The following UQCC6 variants were observed in gnomAD, a reference collection of about 807,000 sequenced individuals.
UQCC6 encodes ubiquinol-cytochrome c reductase complex assembly factor 6, also known as protein BRAWNIN.
the UQCC6 span, among the ~76,000 whole-genome samples, chr12:103,959,971 C>T: frequency 6.6e-6 from 1 of 151,500 alleles, no homozygotes; most frequent in African/African-American, 2.4e-5. Context: ...GATGGGGTTT[C>T]ACCATGTTGT....
At chr12:103,951,557 TTG>T in the UQCC6 span, 10 of 1,549,262 alleles carry the variant, frequency 6.5e-6, no homozygotes, top group Non-Finnish European at 8.7e-6. Flanking sequence ...AACTTGAGGT[TTG>T]TGTTTTCTTT....
the UQCC6 span, among the ~76,000 whole-genome samples, chr12:103,963,144 G>T: frequency 1.3e-5 from 2 of 149,556 alleles, no homozygotes; most frequent in African/African-American, 5.0e-5. Context: ...CATGATCTCA[G>T]CTCACTGCAA....
the UQCC6 span, among the ~76,000 whole-genome samples, chr12:103,961,922 T>C: frequency 2.0e-5 from 3 of 152,300 alleles, no homozygotes; most frequent in South Asian, 2.1e-4. Context: ...TGTGTTACAA[T>C]TGCCTACAGT....
chr12:103,956,522 G>A, the UQCC6 span: 3 of 713,896 alleles, frequency 4.2e-6, no homozygotes, highest in Non-Finnish European at 7.3e-6. Flanking sequence ...AGAATGGAGT[G>A]GTCCAGGAGC....
the UQCC6 span, among the ~76,000 whole-genome samples, chr12:103,958,315 T>C: frequency 1.1e-4 from 16 of 151,998 alleles, no homozygotes; most frequent in African/African-American, 3.6e-4. Context: ...CTTATGGAGG[T>C]ATATTTGACA....
chr12:103,960,957 A>AAAG, the UQCC6 span, among the ~76,000 whole-genome samples: 1 of 152,120 alleles, frequency 6.6e-6, no homozygotes, highest in Admixed American at 6.5e-5. Context: ...TTTTTTAAAA[A>AAAG]AAAAAGGAAA....
At chr12:103,964,579 ACT>A in the UQCC6 span, among the ~76,000 whole-genome samples, 1 of 152,012 alleles carries the variant, frequency 6.6e-6, no homozygotes, top group Non-Finnish European at 1.5e-5. Flanking sequence ...AGAAAAGTTT[ACT>A]CTCTTCACAC....
the UQCC6 span, among the ~76,000 whole-genome samples, chr12:103,952,244 T>C: frequency 6.6e-6 from 1 of 152,226 alleles, no homozygotes; most frequent in Non-Finnish European, 1.5e-5. Context: ...TTTTTGTCTA[T>C]ATAGATTTGC....
chr12:103,954,014 C>T, the UQCC6 span, among the ~76,000 whole-genome samples: 4 of 152,192 alleles, frequency 2.6e-5, no homozygotes, highest in Admixed American at 6.5e-5. Context: ...AAGAGAAGCA[C>T]TCTGAAGTTG....
chr12:103,952,090 G>C, the UQCC6 span, among the ~76,000 whole-genome samples: 1 of 152,156 alleles, frequency 6.6e-6, no homozygotes, highest in Admixed American at 6.6e-5. Context: ...ATTCCAGGAA[G>C]GTATTCACAG....
chr12:103,959,711 C>CA, the UQCC6 span, among the ~76,000 whole-genome samples: 1 of 148,874 alleles, frequency 6.7e-6, no homozygotes, highest in African/African-American at 2.5e-5. Context: ...GAGTCCGTCT[C>CA]AAAAAATAAT....
chr12:103,953,581 C>A, the UQCC6 span: 2 of 702,270 alleles, frequency 2.8e-6, no homozygotes, highest in South Asian at 1.5e-5. Context: ...ATTGCTGGAG[C>A]AAAACCAAAA....
the UQCC6 span, among the ~76,000 whole-genome samples, chr12:103,963,288 C>T: frequency 1.3e-5 from 2 of 152,106 alleles, no homozygotes; most frequent in African/African-American, 2.4e-5. Context: ...GCTGGCCAGG[C>T]CGTTCTCGAA....
chr12:103,950,477 G>A, the UQCC6 span: 2 of 152,244 alleles, frequency 1.3e-5, no homozygotes, highest in African/African-American at 2.4e-5. Context: ...ACCTCCAACA[G>A]TCACTGGATT....
the UQCC6 span, chr12:103,953,356 T>G: frequency 2.9e-6 from 2 of 701,644 alleles, no homozygotes; most frequent in South Asian, 3.0e-5. Context: ...CAACCTGAAC[T>G]ACAACAGAGT....
chr12:103,950,284 G>C, the UQCC6 span: 2 of 149,276 alleles, frequency 1.3e-5, no homozygotes, highest in East Asian at 4.0e-4. Flanking sequence ...AGTTTAGCAG[G>C]GGGTCTATGA....
chr12:103,952,288 T>C, the UQCC6 span, among the ~76,000 whole-genome samples: 1 of 152,202 alleles, frequency 6.6e-6, no homozygotes, highest in African/African-American at 2.4e-5. Flanking sequence ...TGGAATCATA[T>C]AATATGTGGT....
the UQCC6 span, among the ~76,000 whole-genome samples, chr12:103,957,977 A>C: frequency 6.9e-6 from 1 of 144,418 alleles, no homozygotes; most frequent in Non-Finnish European, 1.5e-5. Flanking sequence ...ATATATTTTT[A>C]ATATATATTT....
chr12:103,954,908 C>A, the UQCC6 span: 1 of 699,206 alleles, frequency 1.4e-6, no homozygotes, highest in South Asian at 1.5e-5. Flanking sequence ...ATCCTCAAAT[C>A]GTCTCACTAA....
Sources: gnomAD v4.1 joint callset for allele counts (sites outside exome capture counted in the v4.1 genomes callset) on GRCh38, gnomAD v4.1.1 for gene constraint, MANE v1.5 for transcripts, NCBI Gene and HGNC (gene_info 2026-07-23, HGNC 2026-07-21) for gene names.